Variants in PALLD observed in about 807,000 individuals in gnomAD.
PALLD encodes palladin.
Under a neutral mutation model 123.5 loss-of-function variants are expected in PALLD, and 61 were observed. That is an observed-to-expected ratio of 0.49 (90% confidence interval 0.40 to 0.61). The LOEUF is 0.61. PALLD is among the 20% of genes least tolerant of loss of function. PALLD has a pLI of 0.00. For synonymous variants in PALLD, 465 were observed against 496.4 expected, an observed-to-expected ratio of 0.94 and a Z score of 0.84; for missense variants, 1,273 against 1,377.0, an observed-to-expected ratio of 0.92 and a Z score of 1.20.
chr4:168,612,365 G>C (rs1002054672), intron 2 of PALLD, among the ~76,000 whole-genome samples: 1 of 151,856 alleles, frequency 6.6e-6, no homozygotes, highest in African/African-American at 2.4e-5. Context: ...CCCCAACCCA[G>C]GATTTCTCCC....
In PALLD at chr4:168,512,279, C is replaced by T; in HGVS notation, c.775C>T (p.Pro259Ser). 6.2e-7 allele frequency: 1 copy of T among 1,614,178 alleles called. No individual in the cohort carries two copies. Among genetic ancestry groups the T allele is most frequent in the Non-Finnish European group, 8.5e-7 (1 of 1,180,020 alleles). ...AGTGCCACACAACCGCAAGTCTCAC[C>T]CACAGCCCCACAGCGCCCTCCACTT... ...LAVPHNRKSH[P>S]QPHSALHFPA... Residue 259 changes from proline (P) to serine (S), a missense_variant, in exon 2 of 22, where the codon CCA becomes TCA. By Grantham distance (74) the Pro-to-Ser change is moderately conservative (BLOSUM62 -1). Around this residue, in one of 2 missense-constraint regions of PALLD, gnomAD observed 944 missense variants for 954.5 expected, o/e 0.99. Coordinates refer to ENST00000505667, the MANE Select transcript of PALLD (RefSeq NM_001166108.2).
chr4:168,752,842 C>T (rs896705300), intron 10 of PALLD, among the ~76,000 whole-genome samples: 13 of 152,000 alleles, frequency 8.6e-5, no homozygotes, highest in African/African-American at 2.9e-4. Flanking sequence ...TTATTATTTC[C>T]AGTACCTAAA....
At chr4:168,604,278 G>T (rs1772951573) in intron 2 of PALLD, among the ~76,000 whole-genome samples, 1 of 152,170 alleles carries the variant, frequency 6.6e-6, no homozygotes, top group African/African-American at 2.4e-5. Context: ...AGCTATAGGG[G>T]CCAAGAGTAA....
intron 2 of PALLD, among the ~76,000 whole-genome samples, chr4:168,541,939 C>T (rs1361264598): frequency 3.3e-5 from 5 of 152,114 alleles, no homozygotes; most frequent in Non-Finnish European, 7.4e-5. Context: ...ACAAAAGAGA[C>T]AAAAATGCCT....
At chr4:168,798,247 A>G (rs571329794) in intron 10 of PALLD, among the ~76,000 whole-genome samples, 98 of 152,284 alleles carry the variant, frequency 6.4e-4, no homozygotes, top group African/African-American at 2.3e-3. Context: ...TATCAAAGGT[A>G]AGGATACTGT....
chr4:168,884,457 G>T (rs1753064624), intron 10 of PALLD, among the ~76,000 whole-genome samples: 1 of 152,150 alleles, frequency 6.6e-6, no homozygotes, highest in African/African-American at 2.4e-5. Context: ...ACTTCCTATG[G>T]TTTAGGCCAC....
At chr4:168,771,179 A>C (rs189648929) in intron 10 of PALLD, among the ~76,000 whole-genome samples, 1 of 152,206 alleles carries the variant, frequency 6.6e-6, no homozygotes, top group Non-Finnish European at 1.5e-5. Flanking sequence ...CTTTTGAAAT[A>C]CATGATTATC....
intron 17 of PALLD, among the ~76,000 whole-genome samples, chr4:168,919,016 T>TA (rs1260400737): frequency 1.3e-5 from 2 of 152,120 alleles, no homozygotes; most frequent in African/African-American, 4.8e-5. Flanking sequence ...TTTTTAAATA[T>TA]AAAAAATAAG....
intron 10 of PALLD, among the ~76,000 whole-genome samples, chr4:168,781,553 C>T (rs915914997): frequency 1.1e-4 from 17 of 152,110 alleles, no homozygotes; most frequent in Admixed American, 7.2e-4. Flanking sequence ...CAGGAAGCCT[C>T]GGAGCAAATG....
At position 168,926,954 on chromosome 4, in the gene PALLD, TAATATC is replaced by T. The variant is rs1762650097; in HGVS notation, c.*777_*782del. The T allele has an allele frequency of 5.9e-5, 13 of 219,822 alleles. No individual in the cohort carries two copies. In the South Asian group the frequency reaches 2.2e-3, roughly 38 times the overall value. The allele number at this position is 219,822 out of a possible 1,614,324, so 13.6% of individuals were successfully genotyped here. On this transcript the variant is annotated 3_prime_UTR_variant, in exon 22 of 22. Coordinates refer to ENST00000505667, the MANE Select transcript of PALLD (RefSeq NM_001166108.2). Reference sequence around the variant, plus strand: ...GGAAGGAACTACTTGCCTTAAATGTTAATATCAAAAGAGTTTTCTAACAAGGTTAAT... The same window carrying T: ...GGAAGGAACTACTTGCCTTAAATGTTAAAAGAGTTTTCTAACAAGGTTAAT...
chr4:168,694,564 C>T (rs1365500631), intron 8 of PALLD, among the ~76,000 whole-genome samples: 1 of 151,896 alleles, frequency 6.6e-6, no homozygotes, highest in Non-Finnish European at 1.5e-5. Flanking sequence ...TCTCTTTACT[C>T]TCTTCCTTAT....
At chr4:168,510,125 C>T (rs1762397854) in intron 1 of PALLD, among the ~76,000 whole-genome samples, 1 of 152,190 alleles carries the variant, frequency 6.6e-6, no homozygotes, top group East Asian at 1.9e-4. Context: ...AGTCTTGTGG[C>T]AGACATCACC....
intron 2 of PALLD, among the ~76,000 whole-genome samples, chr4:168,547,263 C>A (rs1160549374): frequency 6.6e-6 from 1 of 152,224 alleles, no homozygotes; most frequent in Non-Finnish European, 1.5e-5. Flanking sequence ...CTAAGTTTCC[C>A]TGTTTGTAAA....
At chr4:168,786,656 C>T (rs1354432087) in intron 10 of PALLD, among the ~76,000 whole-genome samples, 4 of 152,210 alleles carry the variant, frequency 2.6e-5, no homozygotes, top group East Asian at 1.9e-4. Flanking sequence ...GGCAACAGAG[C>T]GAGACCCTGT....
At chr4:168,864,867 ACT>A (rs1581816004) in intron 10 of PALLD, among the ~76,000 whole-genome samples, 2 of 152,252 alleles carry the variant, frequency 1.3e-5, no homozygotes, top group East Asian at 3.9e-4. Context: ...ATTATAGAAA[ACT>A]CTGTTTGACA....
chr4:168,766,607 G>A (rs1359860009), intron 10 of PALLD, among the ~76,000 whole-genome samples: 1 of 152,250 alleles, frequency 6.6e-6, no homozygotes, highest in African/African-American at 2.4e-5. Context: ...ATGGGCATCT[G>A]TAGTGGCTGC....
chr4:168,853,753 C>G (rs1378896596), intron 10 of PALLD, among the ~76,000 whole-genome samples: 1 of 152,116 alleles, frequency 6.6e-6, no homozygotes, highest in African/African-American at 2.4e-5. Flanking sequence ...ATCCCAAGAG[C>G]AAGCGAAAGT....
intron 2 of PALLD, among the ~76,000 whole-genome samples, chr4:168,591,104 C>T (rs1771381047): frequency 6.6e-6 from 1 of 152,062 alleles, no homozygotes; most frequent in Non-Finnish European, 1.5e-5. Flanking sequence ...GTCTTGAACT[C>T]CTGACCTCAG....
intron 2 of PALLD, among the ~76,000 whole-genome samples, chr4:168,661,226 A>G (rs1334704832): frequency 6.6e-6 from 1 of 152,124 alleles, no homozygotes; most frequent in Non-Finnish European, 1.5e-5. Flanking sequence ...TTTCTATGTG[A>G]TGGAAAAATC....
Sources: gnomAD v4.1 joint callset for allele counts (sites outside exome capture counted in the v4.1 genomes callset) on GRCh38, gnomAD v4.1.1 for gene constraint, gnomAD v4.1.1 regional missense constraint, MANE v1.5 for transcripts, NCBI Gene and HGNC (gene_info 2026-07-23, HGNC 2026-07-21) for gene names.